TMEM132D: variants seen among roughly 807,000 people sequenced by gnomAD.
TMEM132D encodes the protein mature OL transmembrane protein.
In TMEM132D, 21 loss-of-function variants were observed where a neutral mutation model predicts 62.3. The observed-to-expected ratio is 0.34, with a 90% CI of 0.24 to 0.49. The LOEUF (loss-of-function observed/expected upper bound fraction) is 0.49, where lower values mean the gene tolerates loss of function less well. TMEM132D is among the 20% of genes least tolerant of loss of function. The probability of loss-of-function intolerance (pLI) is 0.99; values close to 1 mark genes in which losing one functional copy is unlikely to be tolerated. For synonymous variants in TMEM132D, 621 were observed against 575.6 expected (o/e 1.08, Z -1.13); for missense variants, 1,346 against 1,402.8 (o/e 0.96, Z 0.65).
rs189917878 is a variant in TMEM132D at position 129,706,605 on chromosome 12, C to T, written c.80-5907G>A. ...TGAAGTATAGAAAAGTAAATAATGA[C>T]ATGAAGATATAAATAACTAATGCTA... On this transcript the variant is annotated intron_variant, in intron 1 of 8. Transcript: ENST00000422113. Among the ~76,000 whole-genome samples the T allele has an allele frequency of 9.2e-4, 140 of 151,948 alleles. 1 individual carries two copies. The highest frequency in any genetic ancestry group is 3.1e-3 in the African/African-American group (127 of 41,538).
At chr12:129,653,923 A>G (rs1191334850) in intron 2 of TMEM132D, among the ~76,000 whole-genome samples, 1 of 152,138 alleles carries the variant, frequency 6.6e-6, no homozygotes, top group Non-Finnish European at 1.5e-5. Flanking sequence ...CCAGAATCTC[A>G]ACCAAGGTAC....
At chr12:129,130,766 T>G (rs1876352443) in intron 5 of TMEM132D, among the ~76,000 whole-genome samples, 1 of 152,140 alleles carries the variant, frequency 6.6e-6, no homozygotes, top group Admixed American at 6.5e-5. Context: ...TTAGCACGTC[T>G]AGATCAGGAG....
intron 1 of TMEM132D, among the ~76,000 whole-genome samples, chr12:129,723,504 C>T (rs1253916250): frequency 6.6e-6 from 1 of 152,198 alleles, no homozygotes; most frequent in Non-Finnish European, 1.5e-5. Context: ...ACAGGACTAG[C>T]GGACAAAGAG....
At chr12:129,627,202 A>C (rs1303344364) in intron 2 of TMEM132D, among the ~76,000 whole-genome samples, 1 of 152,198 alleles carries the variant, frequency 6.6e-6, no homozygotes, top group African/African-American at 2.4e-5. Flanking sequence ...CTGCACAAGG[A>C]CATTTCAGCT....
At chr12:129,848,477 A>C (rs760109551) in intron 1 of TMEM132D, among the ~76,000 whole-genome samples, 1 of 152,206 alleles carries the variant, frequency 6.6e-6, no homozygotes, top group Non-Finnish European at 1.5e-5. Flanking sequence ...CACTTAAAAA[A>C]TCTGAACATC....
chr12:129,445,374 C>T lies in TMEM132D; in HGVS notation c.1115+85685G>A, dbSNP rs78356392. ...ACTAATGGGTACTAGGCTTAATACC[C>T]GAGTGACTGAATAATCTCCACAACA... On this transcript the variant is annotated intron_variant, in intron 3 of 8. Coordinates refer to ENST00000422113, the MANE Select transcript of TMEM132D (RefSeq NM_133448.3). Among the ~76,000 whole-genome samples, 49 of 152,100 alleles carry T rather than the reference C, an allele frequency of 3.2e-4. 1 individual carries two copies. The East Asian group carries it at 6.0e-3, about 19-fold the overall frequency.
chr12:129,649,455 G>A (rs1157644876), intron 2 of TMEM132D, among the ~76,000 whole-genome samples: 1 of 152,116 alleles, frequency 6.6e-6, no homozygotes, highest in African/African-American at 2.4e-5. Context: ...CAGAAATTTT[G>A]TAATCATTTG....
chr12:129,341,582 C>G (rs536832240), intron 3 of TMEM132D, among the ~76,000 whole-genome samples: 1 of 152,282 alleles, frequency 6.6e-6, no homozygotes, highest in South Asian at 2.1e-4. Context: ...TTCCTAGCCT[C>G]TAGATGTTTA....
At chr12:129,149,372 T>A (rs981529602) in intron 5 of TMEM132D, among the ~76,000 whole-genome samples, 1 of 151,966 alleles carries the variant, frequency 6.6e-6, no homozygotes, top group African/African-American at 2.4e-5. Context: ...TCTGCACGTG[T>A]ATCCCAGAAC....
At chr12:129,310,789 G>A (rs1338756760) in intron 4 of TMEM132D, among the ~76,000 whole-genome samples, 1 of 152,162 alleles carries the variant, frequency 6.6e-6, no homozygotes, top group East Asian at 1.9e-4. Context: ...AATTTAATGA[G>A]CACTCTGCAC....
intron 1 of TMEM132D, among the ~76,000 whole-genome samples, chr12:129,777,363 C>T (rs1870971769): frequency 1.3e-5 from 2 of 152,136 alleles, no homozygotes; most frequent in Admixed American, 1.3e-4. Context: ...AGCGATTAAT[C>T]CAAACTTTAA....
chr12:129,240,076 G>A (rs767419726), intron 4 of TMEM132D, among the ~76,000 whole-genome samples: 41 of 152,088 alleles, frequency 2.7e-4, no homozygotes, highest in Non-Finnish European at 1.2e-4. Context: ...TAGCATTAGG[G>A]ATAAAAGTTG....
chr12:129,858,938 G>C (rs1873786264), intron 1 of TMEM132D, among the ~76,000 whole-genome samples: 1 of 128,176 alleles, frequency 7.8e-6, no homozygotes, highest in Admixed American at 8.0e-5. Context: ...CGGAGTCCGG[G>C]GGAACGGGAT....
chr12:129,185,325 A>G (rs549371828), intron 5 of TMEM132D, among the ~76,000 whole-genome samples: 39 of 152,292 alleles, frequency 2.6e-4, no homozygotes, highest in African/African-American at 9.4e-4. Context: ...CAGTTACAGA[A>G]AAAAAGAATC....
chr12:129,410,919 C>T (rs1336138051), intron 3 of TMEM132D, among the ~76,000 whole-genome samples: 1 of 152,068 alleles, frequency 6.6e-6, no homozygotes, highest in Non-Finnish European at 1.5e-5. Flanking sequence ...TTTTGTTGGA[C>T]ATTTAAGGGT....
At chr12:129,845,755 C>T (rs1021713668) in intron 1 of TMEM132D, among the ~76,000 whole-genome samples, 12 of 152,110 alleles carry the variant, frequency 7.9e-5, no homozygotes, top group Non-Finnish European at 1.5e-4. Context: ...TGGCATTGCC[C>T]AGGAAAGAAT....
At chr12:129,101,006 T>C (rs1247460089) in intron 5 of TMEM132D, among the ~76,000 whole-genome samples, 1 of 152,104 alleles carries the variant, frequency 6.6e-6, no homozygotes, top group Non-Finnish European at 1.5e-5. Flanking sequence ...ATCGAAGCTC[T>C]GTGGCACCAG....
intron 2 of TMEM132D, among the ~76,000 whole-genome samples, chr12:129,610,103 C>T (rs946846974): frequency 6.6e-6 from 1 of 152,062 alleles, no homozygotes; most frequent in Admixed American, 6.6e-5. Context: ...AACCACGTCT[C>T]TACTAAAAAA....
chr12:129,702,345 A>G (rs1034768745), intron 1 of TMEM132D, among the ~76,000 whole-genome samples: 16 of 152,238 alleles, frequency 1.1e-4, no homozygotes, highest in African/African-American at 3.9e-4. Context: ...TCAAAATATC[A>G]TAGATATAAA....
Sources: gnomAD v4.1 joint callset for allele counts (sites outside exome capture counted in the v4.1 genomes callset) on GRCh38, gnomAD v4.1.1 for gene constraint, MANE v1.5 for transcripts, NCBI Gene and HGNC (gene_info 2026-07-23, HGNC 2026-07-21) for gene names.